Variants in CRISP1 observed in about 807,000 individuals in gnomAD.
CRISP1 encodes cysteine-rich secretory protein 1.
In CRISP1, 44 loss-of-function variants were observed where a neutral mutation model predicts 33.1. The ratio of observed to expected loss-of-function variants is 1.33; its 90% CI spans 1.05 to 1.71. The LOEUF is 1.71. CRISP1 is among the 40% of genes most tolerant of loss of function. The pLI is 0.00. For missense variants in CRISP1, 390 were observed against 301.2 expected (o/e 1.29, Z -2.18); for synonymous variants, 103 against 98.7 (o/e 1.04, Z -0.26).
chr6:49,863,325 A>G (rs1265440655), intron 1 of CRISP1, among the ~76,000 whole-genome samples: 1 of 152,176 alleles, frequency 6.6e-6, no homozygotes, highest in Non-Finnish European at 1.5e-5. Context: ...TACCACCTGG[A>G]AGATTGCAAA....
intron 2 of CRISP1, among the ~76,000 whole-genome samples, chr6:49,852,338 G>A (rs577923008): frequency 2.0e-5 from 3 of 152,220 alleles, no homozygotes; most frequent in South Asian, 4.1e-4. Context: ...CATCACATTA[G>A]TCTTCAGAAT....
chr6:49,838,589 A>G, intron 6 of CRISP1, 64 bp from the exon 7 acceptor site: 1 of 1,181,306 alleles, frequency 8.5e-7, no homozygotes, highest in Admixed American at 2.0e-5. Flanking sequence ...AACTTTACTC[A>G]CAGTGTACAA....
intron 5 of CRISP1, among the ~76,000 whole-genome samples, chr6:49,841,807 G>A (rs1204155139): frequency 6.6e-6 from 1 of 152,130 alleles, no homozygotes; most frequent in African/African-American, 2.4e-5. Flanking sequence ...ATACTTAGAA[G>A]TTTGCTTTAT....
chr6:49,857,871 G>C (rs1771538984), intron 1 of CRISP1, among the ~76,000 whole-genome samples: 1 of 152,146 alleles, frequency 6.6e-6, no homozygotes, highest in Non-Finnish European at 1.5e-5. Flanking sequence ...TCCAAGCTAA[G>C]GAATATGGAT....
At chr6:49,851,777 G>A (rs564301062) in intron 3 of CRISP1, among the ~76,000 whole-genome samples, 2 of 152,228 alleles carry the variant, frequency 1.3e-5, no homozygotes, top group South Asian at 4.1e-4. Context: ...ACTGTCTTAG[G>A]GTGTGGAGGA....
In CRISP1 at chr6:49,835,049, T is replaced by C. The variant is rs1246650631; in HGVS notation, c.*267A>G. On this transcript the variant is annotated 3_prime_UTR_variant, in exon 8 of 8. Coordinates refer to ENST00000335847, the MANE Select transcript of CRISP1 (RefSeq NM_001131.3). ...AGGTTACTGTTGAGGGACCCAGTTA[T>C]ACCATAAGTTGAATTATGCCAACTT... is the stretch of plus-strand genomic sequence containing the variant. The C allele has an allele frequency of 6.8e-6, 2 of 294,596 alleles. No individual in the cohort carries two copies. Among genetic ancestry groups the C allele is most frequent in the African/African-American group, 2.2e-5 (1 of 46,038 alleles). 18.2% of individuals were successfully genotyped at this position (294,596 alleles called of 1,614,324 possible).
intron 2 of CRISP1, among the ~76,000 whole-genome samples, chr6:49,855,595 AT>A (rs1296976253): frequency 6.6e-6 from 1 of 152,144 alleles, no homozygotes; most frequent in Non-Finnish European, 1.5e-5. Context: ...TAAGTCTCTA[AT>A]TAACTCAGAG....
upstream of CRISP1, among the ~76,000 whole-genome samples, chr6:49,870,380 G>C (rs1240341066): frequency 6.6e-6 from 1 of 152,090 alleles, no homozygotes; most frequent in East Asian, 1.9e-4. Flanking sequence ...GTAACCAGTA[G>C]TAGTAAATTT....
At chr6:49,839,277 A>C (rs1210557416) in intron 6 of CRISP1, among the ~76,000 whole-genome samples, 1 of 119,104 alleles carries the variant, frequency 8.4e-6, no homozygotes, top group East Asian at 2.0e-4. Flanking sequence ...ATCTACAAAA[A>C]AAAAAAAAAA....
rs542939861 is a variant in CRISP1 at position 49,839,385 on chromosome 6, A to G, written c.534-860T>C. Among the ~76,000 whole-genome samples the G allele has an allele frequency of 3.9e-5, 6 of 152,122 alleles. No individual in the cohort carries two copies. The East Asian group carries it at 5.8e-4, about 15-fold the overall frequency. On this transcript the variant is annotated intron_variant, in intron 6 of 7. Transcript: ENST00000335847. The stretch of plus-strand genomic sequence containing the variant: ...AGGATAGCTGGAGCCCAGAAGGTCA[A>G]TACTACAGGGAGCTATGTTGACACC...
At chr6:49,859,209 C>T (rs1476137126) in intron 1 of CRISP1, among the ~76,000 whole-genome samples, 2 of 151,934 alleles carry the variant, frequency 1.3e-5, no homozygotes. Context: ...GTTTCACACA[C>T]CCTTGAGTGC....
Position 49,835,345 on chromosome 6 carries a change from T to C in CRISP1, c.721A>G (p.Thr241Ala). ...TTTATCTCAGTGTCACACAGACAAG[T>C]GGCTTTACAGAATAGGATAGTTGTT... ...HSTTILFCKA[T>A]CLCDTEIK is the part of the protein sequence containing the mutation. Residue 241 changes from threonine (T) to alanine (A), a missense_variant, in exon 8 of 8, where the codon ACT (threonine) becomes GCT (alanine). Thr to Ala is a moderately conservative substitution (Grantham distance 58). Transcript: ENST00000335847. The C allele has an allele frequency of 6.2e-7, 1 of 1,613,806 alleles. No homozygotes were observed. Among genetic ancestry groups the C allele is most frequent in the South Asian group, 1.1e-5 (1 of 91,048 alleles).
intron 3 of CRISP1, among the ~76,000 whole-genome samples, chr6:49,851,652 TG>T (rs976379790): frequency 6.6e-6 from 1 of 152,142 alleles, no homozygotes; most frequent in Non-Finnish European, 1.5e-5. Flanking sequence ...GCTGGGAGCT[TG>T]TGGTGGTCTC....
chr6:49,846,565 T>C lies in CRISP1; in HGVS notation c.390A>G (p.Glu130=), dbSNP rs755164150. 2 of 1,613,650 alleles carry C rather than the reference T, an allele frequency of 1.2e-6. No homozygotes were observed. Among genetic ancestry groups the C allele is most frequent in the Non-Finnish European group, 8.5e-7 (1 of 1,179,714 alleles). ...TTATGTCATCATCCGTTGTTGTCCATTCTCCATGTTTGAAACTTGTAGACT... is the reference window on the plus strand; with the variant it reads ...TTATGTCATCATCCGTTGTTGTCCACTCTCCATGTTTGAAACTTGTAGACT... ...YSESTSFKHG[E]WTTTDDDITT... Residue 130 remains glutamate, a synonymous_variant, in exon 5 of 8, where the codon GAA becomes GAG. Coordinates refer to ENST00000335847, the MANE Select transcript of CRISP1 (RefSeq NM_001131.3).
chr6:49,876,014 A>C (rs1772027535), intron 1 of CRISP1, among the ~76,000 whole-genome samples: 1 of 152,226 alleles, frequency 6.6e-6, no homozygotes, highest in African/African-American at 2.4e-5. Context: ...AAAATGCCAA[A>C]AGCAATTTCA....
chr6:49,839,888 A>G (rs1394005441), intron 6 of CRISP1, among the ~76,000 whole-genome samples: 1 of 152,206 alleles, frequency 6.6e-6, no homozygotes, highest in African/African-American at 2.4e-5. Context: ...CAATAGTGAT[A>G]GTGGTGGCGC....
At chr6:49,845,288 G>A (rs1210788639) in intron 5 of CRISP1, among the ~76,000 whole-genome samples, 1 of 152,012 alleles carries the variant, frequency 6.6e-6, no homozygotes, top group Admixed American at 6.6e-5. Context: ...GACTCTCTCT[G>A]GCTCCTCTTT....
upstream of CRISP1, among the ~76,000 whole-genome samples, chr6:49,868,090 C>G (rs1299395066): frequency 6.6e-6 from 1 of 152,106 alleles, no homozygotes; most frequent in Middle Eastern, 3.2e-3. Flanking sequence ...TGGCATTGCT[C>G]TACCCAACAC....
intron 1 of CRISP1, among the ~76,000 whole-genome samples, chr6:49,871,990 G>C (rs1013972368): frequency 3.9e-5 from 6 of 152,000 alleles, no homozygotes; most frequent in East Asian, 1.9e-4. Context: ...CTTCCACAAT[G>C]GTTGAACTAG....
Sources: allele counts gnomAD v4.1 joint callset (sites outside exome capture counted in the v4.1 genomes callset), GRCh38; gene constraint gnomAD v4.1.1; transcripts MANE v1.5; gene names NCBI Gene and HGNC (gene_info 2026-07-23, HGNC 2026-07-21).